SFMBT1: variants seen among roughly 807,000 people sequenced by gnomAD.
SFMBT1 encodes the protein Scm like with four mbt domains 1.
Under a neutral mutation model 108.7 loss-of-function variants are expected in SFMBT1, and 32 were observed. The ratio of observed to expected loss-of-function variants is 0.29; its 90% confidence interval spans 0.22 to 0.40. The LOEUF (loss-of-function observed/expected upper bound fraction) is 0.40, where lower values mean the gene tolerates loss of function less well. Among genes scored for constraint, SFMBT1 ranks in the 10% least tolerant of loss-of-function variants. SFMBT1 has a pLI of 1.00. For synonymous variants in SFMBT1, 348 were observed against 369.5 expected, an observed-to-expected ratio of 0.94 and a Z score of 0.67; for missense variants, 816 against 1,059.6, an observed-to-expected ratio of 0.77 and a Z score of 3.19.
At chr3:52,960,111 CG>C (rs1182711703) in intron 2 of SFMBT1, among the ~76,000 whole-genome samples, 9 of 151,622 alleles carry the variant, frequency 5.9e-5, no homozygotes, top group Non-Finnish European at 1.3e-4. Context: ...TGAATGCTAG[CG>C]TTGACACAGA....
intron 1 of SFMBT1, among the ~76,000 whole-genome samples, chr3:52,972,744 AACACAC>A (rs55859723): frequency 0.012 from 1,180 of 95,094 alleles, 16 homozygotes; most frequent in African/African-American, 0.033. Context: ...ATCTCTACTA[AACACAC>A]ACACACACAC....
intron 1 of SFMBT1, among the ~76,000 whole-genome samples, chr3:52,987,258 T>C (rs1320219752): frequency 2.0e-5 from 3 of 152,162 alleles, no homozygotes; most frequent in African/African-American, 7.2e-5. Context: ...AATAATGATT[T>C]AAAAGTACAG....
chr3:53,002,914 G>A (rs527389564), intron 1 of SFMBT1, among the ~76,000 whole-genome samples: 4 of 149,924 alleles, frequency 2.7e-5, no homozygotes, highest in South Asian at 2.1e-4. Flanking sequence ...TGAGGCAAGC[G>A]GATCACTTGA....
At chr3:52,939,402 C>CCT (rs1703115364) in intron 4 of SFMBT1, among the ~76,000 whole-genome samples, 2 of 151,958 alleles carry the variant, frequency 1.3e-5, no homozygotes, top group Admixed American at 1.3e-4. Context: ...GGTGAAACCC[C>CCT]CTCTCAACTA....
chr3:53,024,116 AG>A (rs1317551047), intron 1 of SFMBT1, among the ~76,000 whole-genome samples: 8 of 152,206 alleles, frequency 5.3e-5, no homozygotes, highest in South Asian at 2.1e-4. Flanking sequence ...ACAAGTGCTA[AG>A]GAGAAAAAAA....
chr3:52,957,155 T>C (rs1453806762), intron 2 of SFMBT1, among the ~76,000 whole-genome samples: 1 of 152,050 alleles, frequency 6.6e-6, no homozygotes, highest in Non-Finnish European at 1.5e-5. Context: ...TGTGCAAAAC[T>C]CACAAGCATT....
rs1702088435 is a variant in SFMBT1 at position 52,907,284 on chromosome 3, C to G, written c.2116G>C (p.Asp706His). The change falls in exon 19 of 21, where the codon GAT (aspartate) becomes CAT (histidine). Residue 706 changes from aspartate to histidine, a missense_variant. Transcript: ENST00000394752. ...GSGGEDEDDP[D>H]EGDDDSLSEG... ...CTTAGGGAATCATCATCCCCTTCAT[C>G]TGGGTCATCCTCATCTTCACCCCCA... The G allele has an allele frequency of 1.2e-6, 2 of 1,613,680 alleles. No homozygotes were observed. Among genetic ancestry groups the G allele is most frequent in the Admixed American group, 1.7e-5 (1 of 59,990 alleles).
chr3:53,017,488 GT>G (rs1351909082), intron 1 of SFMBT1, among the ~76,000 whole-genome samples: 7 of 152,156 alleles, frequency 4.6e-5, no homozygotes, highest in Non-Finnish European at 1.5e-5. Flanking sequence ...CCTCTTGGGG[GT>G]TTATAGGCTA....
chr3:52,931,239 C>T (rs10510761), intron 6 of SFMBT1, among the ~76,000 whole-genome samples: 14,003 of 152,138 alleles, frequency 0.092, 668 homozygotes, highest in African/African-American at 0.1. Flanking sequence ...CAGCTTGGCT[C>T]TATGAAAATA....
At chr3:53,006,553 C>T (rs570389165) in intron 1 of SFMBT1, among the ~76,000 whole-genome samples, 15 of 150,582 alleles carry the variant, frequency 1.0e-4, no homozygotes, top group African/African-American at 3.5e-4. Context: ...CACTTGAACC[C>T]GGGAGACAGA....
chr3:52,947,305 G>A (rs550094606), intron 3 of SFMBT1, among the ~76,000 whole-genome samples: 141 of 151,228 alleles, frequency 9.3e-4, no homozygotes, highest in Non-Finnish European at 1.5e-3. Flanking sequence ...TTTTAGTAGA[G>A]ACCGGGTTTC....
intron 3 of SFMBT1, among the ~76,000 whole-genome samples, chr3:52,949,816 T>C (rs1328416763): frequency 6.6e-6 from 1 of 152,040 alleles, no homozygotes; most frequent in Non-Finnish European, 1.5e-5. Context: ...CGACCTCAAA[T>C]GATGCACTCA....
chr3:52,970,007 G>A (rs1704282311), intron 1 of SFMBT1, among the ~76,000 whole-genome samples: 1 of 152,018 alleles, frequency 6.6e-6, no homozygotes, highest in South Asian at 2.1e-4. Context: ...GGAGGCTGAG[G>A]TGGGAGGATG....
At chr3:53,002,913 C>T (rs1315098494) in intron 1 of SFMBT1, among the ~76,000 whole-genome samples, 1 of 149,766 alleles carries the variant, frequency 6.7e-6, no homozygotes, top group Admixed American at 6.8e-5. Context: ...CTGAGGCAAG[C>T]GGATCACTTG....
chr3:52,952,857 A>G (rs188652335), intron 3 of SFMBT1, among the ~76,000 whole-genome samples: 4 of 152,308 alleles, frequency 2.6e-5, no homozygotes, highest in Admixed American at 2.6e-4. Flanking sequence ...ATAAGGATGG[A>G]GCCCTGATCT....
chr3:53,014,021 T>C (rs1699044923), intron 1 of SFMBT1, among the ~76,000 whole-genome samples: 1 of 152,178 alleles, frequency 6.6e-6, no homozygotes, highest in African/African-American at 2.4e-5. Flanking sequence ...TGTGATATGA[T>C]ACCTCTTCCA....
intron 1 of SFMBT1, among the ~76,000 whole-genome samples, chr3:53,002,401 T>TAAAAAA (rs36044342): frequency 3.7e-5 from 4 of 106,818 alleles, no homozygotes; most frequent in African/African-American, 7.0e-5. Flanking sequence ...TCCGTCTCAA[T>TAAAAAA]AAAAAAAAAA....
At chr3:52,978,670 C>T (rs145030163) in intron 1 of SFMBT1, among the ~76,000 whole-genome samples, 4 of 152,102 alleles carry the variant, frequency 2.6e-5, no homozygotes, top group Non-Finnish European at 5.9e-5. Flanking sequence ...CATGAATGTT[C>T]GTAGTATTAT....
intron 14 of SFMBT1, among the ~76,000 whole-genome samples, chr3:52,915,914 C>T (rs1284126545): frequency 6.6e-6 from 1 of 152,164 alleles, no homozygotes; most frequent in African/African-American, 2.4e-5. Context: ...CGTTGGCACA[C>T]AACGGTTGAT....
Sources: gnomAD v4.1 joint callset for allele counts (sites outside exome capture counted in the v4.1 genomes callset) on GRCh38, gnomAD v4.1.1 for gene constraint, MANE v1.5 for transcripts, NCBI Gene and HGNC (gene_info 2026-07-23, HGNC 2026-07-21) for gene names.